The following PEAK1 variants were observed in gnomAD, a reference collection of about 807,000 sequenced individuals.
PEAK1 encodes pseudopodium enriched atypical kinase 1.
A neutral mutation model predicts 124.7 loss-of-function variants in PEAK1; 54 were observed. The observed-to-expected ratio is 0.43, with a 90% CI of 0.35 to 0.54. The LOEUF is 0.54. Ranked by LOEUF, PEAK1 falls within the 20% of genes least tolerant of loss-of-function variation. PEAK1 has a pLI of 0.01. For missense variants in PEAK1, 2,046 were observed against 2,134.5 expected (o/e 0.96, Z 0.82); for synonymous variants, 719 against 760.0 (o/e 0.95, Z 0.89).
Position 77,111,578 on chromosome 15 carries a change from T to C in PEAK1, c.*2578A>G, listed in dbSNP as rs1398748689. ...GCATTCATCTTTTGCCCTTAACAAA[T>C]CTGAATATAAAAACAGTACTAAAAA... is the stretch of plus-strand genomic sequence containing the variant. On this transcript the variant is annotated 3_prime_UTR_variant, in exon 10 of 10. Transcript: ENST00000682557. The C allele has an allele frequency of 6.6e-6, 1 of 152,168 alleles. No individual in the cohort carries two copies. The highest frequency in any genetic ancestry group is 1.5e-5 in the Non-Finnish European group (1 of 68,040). 9.4% of individuals were successfully genotyped at this position (152,168 alleles called of 1,614,324 possible). A position where few individuals can be genotyped will look rare whatever the true frequency, so the allele number is the denominator to read the frequency against.
intron 2 of PEAK1, among the ~76,000 whole-genome samples, chr15:77,299,740 T>C (rs1466831969): frequency 6.6e-6 from 1 of 152,228 alleles, no homozygotes; most frequent in African/African-American, 2.4e-5. Context: ...GTCATAGAAA[T>C]GCTGCTGTGT....
At chr15:77,132,979 A>G in intron 9 of PEAK1, 26 bp downstream of exon 9, 1 of 1,583,572 alleles carries the variant, frequency 6.3e-7, no homozygotes, top group Non-Finnish European at 8.6e-7. Context: ...TTAAGACTTA[A>G]CATGAGATTT....
intron 1 of PEAK1, among the ~76,000 whole-genome samples, chr15:77,399,697 A>T (rs1455452545): frequency 6.6e-6 from 1 of 152,204 alleles, no homozygotes; most frequent in African/African-American, 2.4e-5. Flanking sequence ...CTAAGACCTC[A>T]AACTATAAAA....
At chr15:77,402,161 C>A in intron 1 of PEAK1, 2 of 755,114 alleles carry the variant, frequency 2.6e-6, no homozygotes. Context: ...AGGGACACTC[C>A]ACCTCGGAAA....
intron 6 of PEAK1, among the ~76,000 whole-genome samples, chr15:77,246,169 C>T (rs2060576490): frequency 6.6e-6 from 1 of 152,020 alleles, no homozygotes; most frequent in Admixed American, 6.6e-5. Context: ...CCACCATTCC[C>T]AGCTAATTTT....
At chr15:77,151,406 A>C (rs1455477504) in intron 8 of PEAK1, among the ~76,000 whole-genome samples, 1 of 152,174 alleles carries the variant, frequency 6.6e-6, no homozygotes, top group African/African-American at 2.4e-5. Context: ...GATTCTGGAT[A>C]TTAGCCCTTT....
At chr15:77,237,114 G>C (rs1191591984) in intron 6 of PEAK1, among the ~76,000 whole-genome samples, 3 of 152,086 alleles carry the variant, frequency 2.0e-5, no homozygotes, top group Non-Finnish European at 4.4e-5. Context: ...TTACAATAAG[G>C]AGATTTAATT....
chr15:77,341,934 T>G (rs1169375486), intron 2 of PEAK1, among the ~76,000 whole-genome samples: 1 of 152,040 alleles, frequency 6.6e-6, no homozygotes, highest in African/African-American at 2.4e-5. Context: ...GATCTAAAAA[T>G]TAAGACTTTA....
At chr15:77,176,118 G>A (rs977399932) in intron 7 of PEAK1, among the ~76,000 whole-genome samples, 1 of 151,702 alleles carries the variant, frequency 6.6e-6, no homozygotes, top group East Asian at 1.9e-4. Flanking sequence ...GGGGGGAGAG[G>A]GGAGGGATAG....
intron 6 of PEAK1, among the ~76,000 whole-genome samples, chr15:77,193,596 G>A (rs1419889907): frequency 2.6e-5 from 4 of 152,120 alleles, no homozygotes; most frequent in African/African-American, 7.2e-5. Flanking sequence ...TTGAGGTCAG[G>A]AGTTCGAGAC....
intron 6 of PEAK1, among the ~76,000 whole-genome samples, chr15:77,242,195 G>A (rs1003250934): frequency 1.3e-4 from 19 of 151,906 alleles, no homozygotes; most frequent in Non-Finnish European, 2.4e-4. Flanking sequence ...ATTGTTAGAA[G>A]TACATTTTTT....
intron 2 of PEAK1, among the ~76,000 whole-genome samples, chr15:77,351,469 A>G (rs1328693892): frequency 6.6e-6 from 1 of 152,228 alleles, no homozygotes; most frequent in Non-Finnish European, 1.5e-5. Flanking sequence ...TATCCTCTCC[A>G]TAGGGTATAT....
At chr15:77,215,906 TTTTATATTTATA>T (rs57869574) in intron 6 of PEAK1, among the ~76,000 whole-genome samples, 8 of 150,716 alleles carry the variant, frequency 5.3e-5, no homozygotes, top group Non-Finnish European at 7.4e-5. Flanking sequence ...TTGAGATATA[TTTTATATTTATA>T]TTTATATTTA....
intron 9 of PEAK1, among the ~76,000 whole-genome samples, chr15:77,128,429 G>C (rs557333977): frequency 5.9e-5 from 9 of 152,200 alleles, no homozygotes; most frequent in Non-Finnish European, 1.3e-4. Flanking sequence ...AGTAGGCAAG[G>C]CTGTTCCATC....
chr15:77,244,323 T>C (rs1035267292), intron 6 of PEAK1, among the ~76,000 whole-genome samples: 5 of 152,174 alleles, frequency 3.3e-5, no homozygotes, highest in Admixed American at 3.3e-4. Context: ...ATGGAAGAGA[T>C]CCCATATTGG....
At chr15:77,377,032 G>C (rs1169410569) in intron 1 of PEAK1, among the ~76,000 whole-genome samples, 1 of 152,142 alleles carries the variant, frequency 6.6e-6, no homozygotes, top group Admixed American at 6.5e-5. Flanking sequence ...CTACAAACCT[G>C]TACAGCATGT....
At chr15:77,222,035 G>A (rs2059413342) in intron 6 of PEAK1, among the ~76,000 whole-genome samples, 1 of 151,930 alleles carries the variant, frequency 6.6e-6, no homozygotes, top group Admixed American at 6.6e-5. Context: ...AGGATGGAAT[G>A]GAATTAATTC....
intron 6 of PEAK1, among the ~76,000 whole-genome samples, chr15:77,226,052 T>C (rs1205749383): frequency 1.7e-5 from 1 of 59,762 alleles, no homozygotes; most frequent in East Asian, 3.5e-4. Flanking sequence ...GGGATATATA[T>C]ATATATATAT....
intron 8 of PEAK1, among the ~76,000 whole-genome samples, chr15:77,146,809 G>C (rs966492411): frequency 5.3e-5 from 8 of 152,178 alleles, no homozygotes; most frequent in African/African-American, 1.9e-4. Flanking sequence ...GAGGAAATGA[G>C]TGAATGATAA....
Sources: gnomAD v4.1 joint callset for allele counts (sites outside exome capture counted in the v4.1 genomes callset) on GRCh38, gnomAD v4.1.1 for gene constraint, MANE v1.5 for transcripts, NCBI Gene and HGNC (gene_info 2026-07-23, HGNC 2026-07-21) for gene names.